CCNY: variants seen among roughly 807,000 people sequenced by gnomAD.
CCNY encodes cyclin-Y.
In CCNY, 19 loss-of-function variants were observed where a neutral mutation model predicts 42.8. That is an observed-to-expected ratio of 0.44 (90% CI 0.31 to 0.65). The LOEUF is 0.65. Among genes scored for constraint, CCNY ranks in the 30% least tolerant of loss-of-function variants. CCNY has a pLI of 0.07. For missense variants in CCNY, 370 were observed against 437.3 expected (o/e 0.85, Z 1.37); for synonymous variants, 165 against 162.7 (o/e 1.01, Z -0.11).
intron 3 of CCNY, among the ~76,000 whole-genome samples, chr10:35,278,719 G>T (rs1835266096): frequency 6.6e-6 from 1 of 152,044 alleles, no homozygotes; most frequent in Non-Finnish European, 1.5e-5. Context: ...TTGGCCATGG[G>T]TCACCTACTG....
At chr10:35,550,575 C>T (rs1191260465) in intron 7 of CCNY, among the ~76,000 whole-genome samples, 1 of 152,150 alleles carries the variant, frequency 6.6e-6, no homozygotes, top group East Asian at 1.9e-4. Flanking sequence ...TGCCCCTCCA[C>T]CTGCACAGTC....
intron 1 of CCNY, among the ~76,000 whole-genome samples, chr10:35,392,048 TA>T (rs1193626626): frequency 4.6e-5 from 7 of 152,224 alleles, no homozygotes; most frequent in Non-Finnish European, 1.0e-4. Context: ...TATGTCATTA[TA>T]AAAGGAACAT....
chr10:35,273,516 T>C (rs574909288), intron 3 of CCNY, among the ~76,000 whole-genome samples: 1 of 152,148 alleles, frequency 6.6e-6, no homozygotes, highest in African/African-American at 2.4e-5. Flanking sequence ...TCCTCCTCAT[T>C]CTTACCAGCT....
intron 1 of CCNY, among the ~76,000 whole-genome samples, chr10:35,370,834 G>A (rs1438612984): frequency 6.6e-6 from 1 of 151,384 alleles, no homozygotes; most frequent in Non-Finnish European, 1.5e-5. Context: ...TCCTGCCTCA[G>A]CCTCCCGAGT....
chr10:35,259,764 G>A (rs1284070636), intron 3 of CCNY, among the ~76,000 whole-genome samples: 2 of 147,970 alleles, frequency 1.4e-5, no homozygotes, highest in East Asian at 2.0e-4. Flanking sequence ...CGCCTGCCTC[G>A]GCCTCCCAAA....
At position 35,436,465 on chromosome 10, in the gene CCNY, G is replaced by A. The variant is rs2135287935; in HGVS notation, c.155-46939G>A. On this transcript the variant is annotated intron_variant, in intron 1 of 9. Coordinates refer to ENST00000374704, the MANE Select transcript of CCNY (RefSeq NM_145012.6). ...GAAGGGTTTCCAGTTAGTCTTTGGA[G>A]GCTGACAGTGTAGGACCTGGTTTCA... 1.3e-5 allele frequency among the ~76,000 whole-genome samples: 2 copies of A among 152,334 alleles called. 1 individual carries two copies. The highest frequency in any genetic ancestry group is 4.8e-5 in the African/African-American group (2 of 41,578).
intron 1 of CCNY, among the ~76,000 whole-genome samples, chr10:35,481,003 G>C (rs923168245): frequency 6.6e-6 from 1 of 152,124 alleles, no homozygotes; most frequent in African/African-American, 2.4e-5. Flanking sequence ...TGTTTACAGT[G>C]CATAAAACTC....
rs143575331 is a variant in CCNY, at chr10:35,550,191, CAT to C, written c.580-2827_580-2826del. On this transcript the variant is annotated intron_variant, in intron 7 of 9. Transcript: ENST00000374704. ...TCGTGACCCTGCGCTGCTCATGACA[CAT>C]GACCCTACAGTGCTCGTGACCCTGC... Among the ~76,000 whole-genome samples, 659 of 146,560 alleles carry C rather than the reference CAT, an allele frequency of 4.5e-3. 5 individuals are homozygous for C. Among genetic ancestry groups the C allele is most frequent in the African/African-American group, 0.016 (623 of 38,578 alleles).
rs142256356 is a variant in CCNY at position 35,535,200 on chromosome 10, G to A, written c.579+4957G>A. Among the ~76,000 whole-genome samples the A allele has an allele frequency of 2.5e-3, 374 of 152,018 alleles. 3 individuals are homozygous for A. The highest frequency in any genetic ancestry group is 8.2e-3 in the African/African-American group (341 of 41,480). On this transcript the variant is annotated intron_variant, in intron 7 of 9. Coordinates refer to ENST00000374704, the MANE Select transcript of CCNY (RefSeq NM_145012.6). ...GGGCCCAGAGCTTCTATAGCCCTTC[G>A]TATTTATTGAGTAAAGGAGATACAG...
chr10:35,286,757 T>C (rs1301503578), intron 3 of CCNY, among the ~76,000 whole-genome samples: 2 of 151,656 alleles, frequency 1.3e-5, no homozygotes, highest in African/African-American at 4.9e-5. Flanking sequence ...CCTTGTGGGT[T>C]CAAGAGATCT....
At chr10:35,286,665 T>G (rs1835358409) in intron 3 of CCNY, among the ~76,000 whole-genome samples, 1 of 148,148 alleles carries the variant, frequency 6.8e-6, no homozygotes, top group Admixed American at 6.8e-5. Context: ...CTTTTTTTTT[T>G]TTTTTTTTTT....
intron 1 of CCNY, among the ~76,000 whole-genome samples, chr10:35,341,643 C>T (rs906961150): frequency 6.6e-6 from 1 of 151,304 alleles, no homozygotes; most frequent in African/African-American, 2.5e-5. Context: ...AAAACATCAT[C>T]GCGTATGTTT....
At chr10:35,268,625 C>T (rs886494085) in intron 3 of CCNY, among the ~76,000 whole-genome samples, 6 of 152,200 alleles carry the variant, frequency 3.9e-5, no homozygotes, top group Non-Finnish European at 5.9e-5. Context: ...TGACCCCTTC[C>T]CTGTGGCAGT....
chr10:35,301,083 T>G (rs758971191), intron 3 of CCNY, among the ~76,000 whole-genome samples: 4 of 152,084 alleles, frequency 2.6e-5, no homozygotes, highest in Non-Finnish European at 5.9e-5. Flanking sequence ...GCTGGGATTA[T>G]AGGGGTGAGC....
intron 7 of CCNY, among the ~76,000 whole-genome samples, chr10:35,534,305 C>T (rs111278934): frequency 8.6e-4 from 131 of 152,272 alleles, no homozygotes; most frequent in African/African-American, 3.0e-3. Context: ...TACAGGCGTG[C>T]GCCACCACAC....
chr10:35,350,599 G>A (rs931929494), intron 1 of CCNY, among the ~76,000 whole-genome samples: 1 of 152,178 alleles, frequency 6.6e-6, no homozygotes, highest in African/African-American at 2.4e-5. Context: ...GGCAGGTGGT[G>A]AACTGAACAG....
intron 1 of CCNY, among the ~76,000 whole-genome samples, chr10:35,379,810 T>C (rs1837138487): frequency 6.6e-6 from 1 of 152,238 alleles, no homozygotes; most frequent in Non-Finnish European, 1.5e-5. Flanking sequence ...TCTTTCCTTT[T>C]ACCCTGAGAG....
At chr10:35,362,824 C>CCGG (rs1836716430) in intron 1 of CCNY, among the ~76,000 whole-genome samples, 1 of 142,636 alleles carries the variant, frequency 7.0e-6, no homozygotes, top group Non-Finnish European at 1.5e-5. Flanking sequence ...AGATAGTTGG[C>CCGG]GGGGGGGCCA....
intron 7 of CCNY, among the ~76,000 whole-genome samples, chr10:35,545,036 C>A (rs573874918): frequency 6.6e-6 from 1 of 152,304 alleles, no homozygotes; most frequent in South Asian, 2.1e-4. Context: ...CGCATGTACA[C>A]TCAGTAACAT....
Sources: gnomAD v4.1 joint callset for allele counts (sites outside exome capture counted in the v4.1 genomes callset) on GRCh38, gnomAD v4.1.1 for gene constraint, MANE v1.5 for transcripts, NCBI Gene and HGNC (gene_info 2026-07-23, HGNC 2026-07-21) for gene names.